DYRK1A: variants seen among roughly 807,000 people sequenced by gnomAD.
DYRK1A encodes dual specificity tyrosine-phosphorylation-regulated kinase 1A.
A neutral mutation model predicts 79.7 loss-of-function variants in DYRK1A; 9 were observed. That is an observed-to-expected ratio of 0.11 (90% confidence interval 0.07 to 0.20). The LOEUF (loss-of-function observed/expected upper bound fraction) is 0.20. Among genes scored for constraint, DYRK1A ranks in the 10% least tolerant of loss-of-function variants. The pLI is 1.00. For synonymous variants in DYRK1A, 349 were observed against 329.7 expected, an observed-to-expected ratio of 1.06 and a Z score of -0.63; for missense variants, 622 against 956.0, an observed-to-expected ratio of 0.65 and a Z score of 4.61.
intron 2 of DYRK1A, among the ~76,000 whole-genome samples, chr21:37,445,998 T>C (rs565745795): frequency 6.6e-4 from 101 of 152,214 alleles, no homozygotes; most frequent in Non-Finnish European, 1.1e-3. Context: ...AAAACAACAT[T>C]CTTACTGTAA....
intron 9 of DYRK1A, among the ~76,000 whole-genome samples, chr21:37,499,800 A>G (rs2053385629): frequency 6.6e-6 from 1 of 152,236 alleles, no homozygotes; most frequent in South Asian, 2.1e-4. Context: ...ATTCTAGTAC[A>G]GTTGACCCTT....
chr21:37,463,202 A>ATGTGTGTGTGTGTGTGTGTG (rs1569345120), intron 2 of DYRK1A, among the ~76,000 whole-genome samples: 3 of 35,636 alleles, frequency 8.4e-5, no homozygotes, highest in African/African-American at 4.0e-4. Context: ...TAATGTTGGC[A>ATGTGTGTGTGTGTGTGTGTG]CGTGTGTGTG....
chr21:37,380,555 C>G (rs968071069), intron 1 of DYRK1A, among the ~76,000 whole-genome samples: 1 of 152,032 alleles, frequency 6.6e-6, no homozygotes, highest in African/African-American at 2.4e-5. Context: ...TTTTAAGATT[C>G]ACGGGAGACA....
chr21:37,372,411 T>A (rs1403413219), intron 1 of DYRK1A, among the ~76,000 whole-genome samples: 1 of 150,180 alleles, frequency 6.7e-6, no homozygotes, highest in Non-Finnish European at 1.5e-5. Context: ...ATTGTGTCAC[T>A]GCACTCCAGC....
intron 1 of DYRK1A, among the ~76,000 whole-genome samples, chr21:37,383,101 G>A (rs1400109412): frequency 6.6e-6 from 1 of 152,200 alleles, no homozygotes; most frequent in Non-Finnish European, 1.5e-5. Flanking sequence ...GCAATCCTGT[G>A]GCCTCCATGA....
intron 8 of DYRK1A, 137 bp downstream of exon 8, chr21:37,493,300 C>T (rs1183402605): frequency 7.8e-6 from 6 of 771,392 alleles, no homozygotes; most frequent in Non-Finnish European, 1.2e-5. Flanking sequence ...TTTGAATATA[C>T]CTATTTTTCA....
In DYRK1A at chr21:37,479,606, G is replaced by GTT. The variant is rs1183029117; in HGVS notation, c.301-1028_301-1027dup. On this transcript the variant is annotated intron_variant, in intron 4 of 11. Transcript: ENST00000647188. ...GTGTTGGTGTTTTGTTTTTGTTTTT[G>GTT]TTTTTGTTTTTTGTTTTTTTTTTTT... 3.8e-3 allele frequency among the ~76,000 whole-genome samples: 106 copies of GTT among 27,574 alleles called. 4 individuals carry two copies. The highest frequency in any genetic ancestry group is 0.01 in the East Asian group (9 of 878). The allele number at this position is 27,574 out of a possible 152,430, so 18.1% of individuals were successfully genotyped here. A position where few individuals can be genotyped will look rare whatever the true frequency, so the allele number is the denominator to read the frequency against.
In DYRK1A at chr21:37,476,351, A is replaced by G. The variant is rs544433207; in HGVS notation, c.208-1857A>G. On this transcript the variant is annotated intron_variant, in intron 3 of 11. Coordinates refer to ENST00000647188, the MANE Select transcript of DYRK1A (RefSeq NM_001347721.2). The stretch of plus-strand genomic sequence containing the variant: ...CATGCTAAAAACATGTTGTTCAGTA[A>G]ATACCTGCTACTGTTATTGTTACTT... Among the ~76,000 whole-genome samples the G allele has an allele frequency of 2.0e-5, 3 of 152,316 alleles. No homozygotes were observed. In the South Asian group the frequency reaches 6.2e-4, roughly 32 times the overall value.
At chr21:37,372,693 A>T (rs2049456537) in intron 1 of DYRK1A, among the ~76,000 whole-genome samples, 1 of 152,184 alleles carries the variant, frequency 6.6e-6, no homozygotes, top group Non-Finnish European at 1.5e-5. Flanking sequence ...TAATTAGCAT[A>T]GGAATCTTGT....
chr21:37,433,487 TA>T (rs1304187481), intron 2 of DYRK1A, among the ~76,000 whole-genome samples: 1 of 152,154 alleles, frequency 6.6e-6, no homozygotes, highest in African/African-American at 2.4e-5. Flanking sequence ...TGAGTAAGAG[TA>T]TGAATGAAAT....
chr21:37,430,194 C>T (rs1171434246), intron 2 of DYRK1A: 2 of 677,194 alleles, frequency 3.0e-6, no homozygotes, highest in Non-Finnish European at 3.6e-6. Flanking sequence ...CCACCAGTTA[C>T]TTCCAGCTTG....
intron 5 of DYRK1A, among the ~76,000 whole-genome samples, chr21:37,481,818 C>T (rs1425403361): frequency 2.0e-5 from 3 of 151,792 alleles, no homozygotes; most frequent in Admixed American, 1.3e-4. Flanking sequence ...ACAGCCTGGG[C>T]AACATAGCAA....
At chr21:37,420,270 CTT>C in intron 1 of DYRK1A, 27 bp from the exon 2 acceptor site, 1 of 877,996 alleles carries the variant, frequency 1.1e-6, no homozygotes. Context: ...ATCATTATCT[CTT>C]ATCATAATCT....
At chr21:37,394,648 C>T (rs939885655) in intron 1 of DYRK1A, among the ~76,000 whole-genome samples, 6 of 152,130 alleles carry the variant, frequency 3.9e-5, no homozygotes, top group Admixed American at 3.3e-4. Flanking sequence ...GTGAACTGCA[C>T]ATGTGAGGGA....
At chr21:37,403,686 TGTGTGTG>T (rs1244213704) in intron 1 of DYRK1A, among the ~76,000 whole-genome samples, 1 of 149,592 alleles carries the variant, frequency 6.7e-6, no homozygotes, top group Non-Finnish European at 1.5e-5. Flanking sequence ...TGTGTGTGTG[TGTGTGTG>T]TGTGTGTTCA....
intron 1 of DYRK1A, among the ~76,000 whole-genome samples, chr21:37,374,039 T>C (rs766127913): frequency 4.6e-5 from 7 of 152,276 alleles, no homozygotes; most frequent in Non-Finnish European, 7.4e-5. Flanking sequence ...ATTAGAAAAA[T>C]GTAGCTATAC....
chr21:37,430,206 A>G (rs1462009415), intron 2 of DYRK1A: 1 of 775,898 alleles, frequency 1.3e-6, no homozygotes, highest in African/African-American at 1.9e-5. Context: ...TCCAGCTTGT[A>G]TATAGGTATG....
rs1330656472 is a variant in DYRK1A, at chr21:37,519,061, C to A, written c.*6530C>A. The A allele has an allele frequency of 6.6e-6, 1 of 152,208 alleles. No homozygotes were observed. Among genetic ancestry groups the A allele is most frequent in the African/African-American group, 2.4e-5 (1 of 41,446 alleles). 9.4% of individuals were successfully genotyped at this position (152,208 alleles called of 1,614,324 possible). ...GCCAGATGTAAGTATATAAAACTTACACAGTTTGTTCCTTTTTGTTGTCTT... is the reference window on the plus strand; with the variant it reads ...GCCAGATGTAAGTATATAAAACTTAAACAGTTTGTTCCTTTTTGTTGTCTT... On this transcript the variant is annotated 3_prime_UTR_variant, in exon 12 of 12. Coordinates refer to ENST00000647188, the MANE Select transcript of DYRK1A (RefSeq NM_001347721.2).
intron 2 of DYRK1A, among the ~76,000 whole-genome samples, chr21:37,422,079 T>C (rs2050491467): frequency 6.6e-6 from 1 of 152,146 alleles, no homozygotes. Flanking sequence ...TTTATAGTTA[T>C]CTAGTTAATT....
Sources: allele counts gnomAD v4.1 joint callset (sites outside exome capture counted in the v4.1 genomes callset), GRCh38; gene constraint gnomAD v4.1.1; transcripts MANE v1.5; gene names NCBI Gene and HGNC (gene_info 2026-07-23, HGNC 2026-07-21).